FIRRM: variants seen among roughly 807,000 people sequenced by gnomAD.
FIRRM encodes FIGNL1-interacting regulator of recombination and mitosis.
the FIRRM span, chr1:169,827,955 A>G: frequency 8.9e-7 from 1 of 1,129,858 alleles, no homozygotes; most frequent in Non-Finnish European, 1.3e-6. Flanking sequence ...TATTTATGTT[A>G]ATAGTTATTG....
chr1:169,790,063 C>A, the FIRRM span, among the ~76,000 whole-genome samples: 1 of 152,114 alleles, frequency 6.6e-6, no homozygotes, highest in Non-Finnish European at 1.5e-5. Context: ...GAGAAAGCTG[C>A]GTATCTGTTT....
chr1:169,851,921 G>C, the FIRRM span: 3 of 1,614,076 alleles, frequency 1.9e-6, no homozygotes, highest in Non-Finnish European at 2.5e-6. Context: ...AAGAAGCAAA[G>C]AGGTCATCTT....
the FIRRM span, among the ~76,000 whole-genome samples, chr1:169,786,177 C>T: frequency 5.6e-4 from 85 of 152,078 alleles, 1 homozygote; most frequent in East Asian, 0.012. Flanking sequence ...CAAAGTTAAA[C>T]GAGTGGTTAT....
the FIRRM span, among the ~76,000 whole-genome samples, chr1:169,798,637 T>G: frequency 1.3e-5 from 2 of 152,190 alleles, no homozygotes; most frequent in African/African-American, 4.8e-5. Context: ...TGTAGCATTG[T>G]TTCTCATCTG....
the FIRRM span, among the ~76,000 whole-genome samples, chr1:169,807,333 C>G: frequency 6.6e-6 from 1 of 152,090 alleles, no homozygotes; most frequent in African/African-American, 2.4e-5. Context: ...ATATCCTTAC[C>G]CTAAGATTAA....
the FIRRM span, among the ~76,000 whole-genome samples, chr1:169,844,398 T>C: frequency 6.6e-6 from 1 of 152,156 alleles, no homozygotes; most frequent in Non-Finnish European, 1.5e-5. Flanking sequence ...CTAGACAGAA[T>C]TGATGCCCCA....
chr1:169,823,931 CAA>C, the FIRRM span, among the ~76,000 whole-genome samples: 6 of 152,098 alleles, frequency 3.9e-5, no homozygotes, highest in African/African-American at 1.4e-4. Flanking sequence ...AGAAAGGTAT[CAA>C]AATTTAGATG....
the FIRRM span, chr1:169,795,695 A>G: frequency 4.1e-6 from 4 of 986,912 alleles, no homozygotes; most frequent in Non-Finnish European, 4.8e-6. Flanking sequence ...ATAAGAATTA[A>G]AGGGCATAGT....
At chr1:169,821,649 T>C in the FIRRM span, 1 of 1,457,786 alleles carries the variant, frequency 6.9e-7, no homozygotes, top group Non-Finnish European at 9.4e-7. Context: ...TCTTATTTAT[T>C]ATGCTTTCTT....
chr1:169,805,950 A>G, the FIRRM span: 1 of 1,022,128 alleles, frequency 9.8e-7, no homozygotes, highest in South Asian at 1.4e-5. Flanking sequence ...TATAGGAGAA[A>G]CTCACCCCCA....
the FIRRM span, among the ~76,000 whole-genome samples, chr1:169,816,133 A>G: frequency 6.6e-6 from 1 of 152,252 alleles, no homozygotes; most frequent in African/African-American, 2.4e-5. Flanking sequence ...CAACAGCAGT[A>G]TATTCTACAA....
chr1:169,839,478 C>T, the FIRRM span, among the ~76,000 whole-genome samples: 31 of 152,188 alleles, frequency 2.0e-4, no homozygotes, highest in South Asian at 2.3e-3. Flanking sequence ...GATAGTATCT[C>T]GTTGTGATTT....
At chr1:169,787,322 A>G in the FIRRM span, among the ~76,000 whole-genome samples, 1 of 152,148 alleles carries the variant, frequency 6.6e-6, no homozygotes, top group South Asian at 2.1e-4. Flanking sequence ...GCTTTCTCTT[A>G]TGCCCACCTG....
chr1:169,803,368 GTAAAA>G, the FIRRM span: 1 of 1,438,468 alleles, frequency 7.0e-7, no homozygotes, highest in Non-Finnish European at 9.4e-7. Flanking sequence ...TAGGGGCTGA[GTAAAA>G]TAATGTTTGT....
At chr1:169,795,025 G>GC in the FIRRM span, 1 of 1,139,122 alleles carries the variant, frequency 8.8e-7, no homozygotes. Flanking sequence ...CGGAGAGCGC[G>GC]CAAGGGTTGG....
chr1:169,843,364 G>A, the FIRRM span, among the ~76,000 whole-genome samples: 8 of 152,286 alleles, frequency 5.3e-5, no homozygotes, highest in African/African-American at 1.9e-4. Flanking sequence ...GAACATACAA[G>A]CCTTTCAGTG....
At chr1:169,784,504 A>G in the FIRRM span, among the ~76,000 whole-genome samples, 1 of 152,004 alleles carries the variant, frequency 6.6e-6, no homozygotes, top group African/African-American at 2.4e-5. Flanking sequence ...TTTCTCTATC[A>G]TTCTTCATCT....
chr1:169,806,881 A>C, the FIRRM span, among the ~76,000 whole-genome samples: 1 of 152,252 alleles, frequency 6.6e-6, no homozygotes, highest in African/African-American at 2.4e-5. Context: ...ACAGGGTTAT[A>C]GTGAGAATTG....
the FIRRM span, chr1:169,795,276 C>T: frequency 1.3e-6 from 2 of 1,501,760 alleles, no homozygotes; most frequent in Non-Finnish European, 1.8e-6. Flanking sequence ...GAACCTTTCT[C>T]TTCTGTCCCT....
Sources: allele counts gnomAD v4.1 joint callset (sites outside exome capture counted in the v4.1 genomes callset), GRCh38; gene constraint gnomAD v4.1.1; transcripts MANE v1.5; gene names NCBI Gene and HGNC (gene_info 2026-07-23, HGNC 2026-07-21).